CUX1: variants seen among roughly 807,000 people sequenced by gnomAD.
CUX1 encodes cut like homeobox 1.
Under a neutral mutation model 158.8 loss-of-function variants are expected in CUX1, and 31 were observed. That is an observed-to-expected ratio of 0.20 (90% CI 0.15 to 0.26). The LOEUF (loss-of-function observed/expected upper bound fraction) is 0.26, where lower values mean the gene tolerates loss of function less well. Ranked by LOEUF, CUX1 falls within the 10% of genes least tolerant of loss-of-function variation. The pLI, the probability that CUX1 is intolerant of heterozygous loss-of-function variation, is 1.00. For missense variants in CUX1, 1,589 were observed against 2,014.6 expected (o/e 0.79, Z 4.04); for synonymous variants, 879 against 862.1 (o/e 1.02, Z -0.34).
At chr7:102,187,779 GATTACAGGCGTCAGCC>G (rs1563373494) in intron 11 of CUX1, among the ~76,000 whole-genome samples, 2 of 151,818 alleles carry the variant, frequency 1.3e-5, no homozygotes, top group Non-Finnish European at 2.9e-5. Flanking sequence ...AAAGTGCTGG[GATTACAGGCGTCAGCC>G]ACCGCGCCCA....
intron 2 of CUX1, among the ~76,000 whole-genome samples, chr7:101,950,401 A>G (rs1808918345): frequency 6.6e-6 from 1 of 152,100 alleles, no homozygotes; most frequent in Non-Finnish European, 1.5e-5. Flanking sequence ...CATTGCCCAT[A>G]GTTTGTTGTT....
chr7:101,849,236 G>A (rs1796018261), intron 1 of CUX1, among the ~76,000 whole-genome samples: 1 of 151,146 alleles, frequency 6.6e-6, no homozygotes, highest in Admixed American at 6.6e-5. Context: ...ATGGGGGTTT[G>A]TTGTACAGAT....
chr7:102,002,655 C>T (rs904127070), intron 2 of CUX1, among the ~76,000 whole-genome samples: 3 of 152,200 alleles, frequency 2.0e-5, no homozygotes, highest in African/African-American at 4.8e-5. Context: ...GAGTCTGAAG[C>T]AAGGTCCCAC....
exon 17 of CUX1, chr7:102,275,342 A>T (rs1157778050): frequency 1.9e-6 from 3 of 1,612,974 alleles, no homozygotes; most frequent in Non-Finnish European, 2.5e-6. Context: ...CCGTGCCCGG[A>T]ACCAGGAGCT....
chr7:102,155,413 G>A lies in CUX1; in HGVS notation c.675-3147G>A, dbSNP rs115231565. 8.4e-3 allele frequency among the ~76,000 whole-genome samples: 1,280 copies of A among 151,776 alleles called. 10 individuals are homozygous for A. Among genetic ancestry groups the A allele is most frequent in the African/African-American group, 0.03 (1,223 of 41,352 alleles). ...AAAAAAAAAAAAATTAGGTATGCTG[G>A]CGTACACCACTAGTCCCAGCTACTC... On this transcript the variant is annotated intron_variant, in intron 8 of 23. Coordinates refer to ENST00000292535, the MANE Select transcript of CUX1 (RefSeq NM_181552.4).
rs564002641 is a variant in CUX1 at position 101,826,607 on chromosome 7, C to G, written c.30+8938C>G. On this transcript the variant is annotated intron_variant, in intron 1 of 23. Transcript: ENST00000292535. ...CTTCCCGCCTAGAGGGCGGACAGGACTGGCAGGACGAGGCTGGGATGGATG... is the reference window on the plus strand; with the variant it reads ...CTTCCCGCCTAGAGGGCGGACAGGAGTGGCAGGACGAGGCTGGGATGGATG... Among the ~76,000 whole-genome samples the G allele has an allele frequency of 5.1e-4, 77 of 152,330 alleles. 2 individuals are homozygous for G. Among genetic ancestry groups the G allele is most frequent in the African/African-American group, 1.8e-3 (74 of 41,570 alleles).
At chr7:102,175,776 C>T (rs998420728) in intron 10 of CUX1, among the ~76,000 whole-genome samples, 1 of 152,182 alleles carries the variant, frequency 6.6e-6, no homozygotes, top group Non-Finnish European at 1.5e-5. Flanking sequence ...TTATTCAGAG[C>T]GGTGCTTTCC....
chr7:102,158,740 T>A, intron 9 of CUX1, 132 bp downstream of exon 9: 1 of 783,042 alleles, frequency 1.3e-6, no homozygotes, highest in East Asian at 2.6e-5. Flanking sequence ...TCAACGTCGA[T>A]GCTCCTTCTG....
At chr7:101,928,023 G>T (rs908407536) in intron 2 of CUX1, among the ~76,000 whole-genome samples, 1 of 152,100 alleles carries the variant, frequency 6.6e-6, no homozygotes, top group Admixed American at 6.5e-5. Context: ...GCCATGTGTC[G>T]CTTCCTTCAT....
rs1224976762 is a variant in CUX1 at position 101,869,696 on chromosome 7, ACACAC to A, written c.31-46418_31-46414del. ...TCAGGACACCATGGAAGACGGCAGGACACACGTGCGAGCCACAGCAGGTGGGCGGG... is the reference window on the plus strand; with the variant it reads ...TCAGGACACCATGGAAGACGGCAGGAGTGCGAGCCACAGCAGGTGGGCGGG... On this transcript the variant is annotated intron_variant, in intron 1 of 23. Coordinates refer to ENST00000292535, the MANE Select transcript of CUX1 (RefSeq NM_181552.4). This position sits in a 1 kb window ranked among gnomAD's most constrained non-coding sequence, Gnocchi z 4.5. Among the ~76,000 whole-genome samples the A allele has an allele frequency of 6.6e-6, 1 of 152,098 alleles. No homozygotes were observed. The highest frequency in any genetic ancestry group is 1.9e-4 in the East Asian group (1 of 5,158).
At chr7:101,860,654 C>T (rs1797338338) in intron 1 of CUX1, among the ~76,000 whole-genome samples, 1 of 151,972 alleles carries the variant, frequency 6.6e-6, no homozygotes, top group African/African-American at 2.4e-5. Flanking sequence ...GTCTGTCTGT[C>T]TTTCCTTCCT....
chr7:102,023,647 TTTC>T (rs1280655942), intron 2 of CUX1, among the ~76,000 whole-genome samples: 3 of 152,222 alleles, frequency 2.0e-5, no homozygotes, highest in Non-Finnish European at 4.4e-5. Flanking sequence ...TCTTTGTATC[TTTC>T]TTCTTAGTTT....
intron 4 of CUX1, 87 bp downstream of exon 4, chr7:102,070,504 T>C (rs1826009300): frequency 3.0e-6 from 3 of 988,222 alleles, no homozygotes; most frequent in Non-Finnish European, 4.6e-6. Context: ...TTGGCTTTCC[T>C]AAGGAAAATA....
chr7:101,965,283 G>C (rs1013497441), intron 2 of CUX1, among the ~76,000 whole-genome samples: 2 of 152,148 alleles, frequency 1.3e-5, no homozygotes, highest in Non-Finnish European at 2.9e-5. Context: ...GGCGGGGAGG[G>C]GGCTTCCTTC....
At chr7:102,163,501 C>G (rs1458532486) in intron 9 of CUX1, among the ~76,000 whole-genome samples, 1 of 151,980 alleles carries the variant, frequency 6.6e-6, no homozygotes, top group Non-Finnish European at 1.5e-5. Flanking sequence ...GTGGGAGGGT[C>G]TGAGTATGAA....
chr7:102,160,521 G>T (rs1376840651), intron 9 of CUX1, among the ~76,000 whole-genome samples: 1 of 152,192 alleles, frequency 6.6e-6, no homozygotes, highest in East Asian at 1.9e-4. Flanking sequence ...AGACAAGGCT[G>T]TAGGGACAGG....
chr7:102,010,347 TC>T (rs1817848961), intron 2 of CUX1, among the ~76,000 whole-genome samples: 3 of 138,056 alleles, frequency 2.2e-5, no homozygotes, highest in Admixed American at 8.3e-5. Flanking sequence ...TGAGCTGAGA[TC>T]ACGCCACTGT....
Position 102,210,333 on chromosome 7 carries a change from G to T in CUX1, c.3130+5163G>T, listed in dbSNP as rs79470890. Among the ~76,000 whole-genome samples, 82 of 152,280 alleles carry T rather than the reference G, an allele frequency of 5.4e-4. 2 individuals carry two copies. In the East Asian group the frequency reaches 0.016, roughly 29 times the overall value. The stretch of plus-strand genomic sequence containing the variant: ...GCTAGTCTCCAACTCCTGACCTCGG[G>T]TGATCCTCCCACCTTGGCCTCCCAA... On this transcript the variant is annotated intron_variant, in intron 20 of 23. Transcript: ENST00000292535.
chr7:101,825,690 G>T (rs998258746), intron 1 of CUX1, among the ~76,000 whole-genome samples: 1 of 151,758 alleles, frequency 6.6e-6, no homozygotes, highest in Admixed American at 6.6e-5. Context: ...ATTGTTTTAC[G>T]TGGCTCTGTG....
Sources: allele counts gnomAD v4.1 joint callset (sites outside exome capture counted in the v4.1 genomes callset), GRCh38; gene constraint gnomAD v4.1.1; non-coding constraint Gnocchi (gnomAD v3.1); transcripts MANE v1.5; gene names NCBI Gene and HGNC (gene_info 2026-07-23, HGNC 2026-07-21).